REDIC1: variants seen among roughly 807,000 people sequenced by gnomAD.
REDIC1 encodes HEI10 Interacting Protein 1.
At chr12:39,701,001 A>T in the REDIC1 span, among the ~76,000 whole-genome samples, 116,785 of 148,824 alleles carry the variant, frequency 0.78, 46,425 homozygotes, top group Non-Finnish European at 0.86. Context: ...TGTAAAGACC[A>T]TCGAGACTAG....
chr12:39,713,397 C>T, the REDIC1 span, among the ~76,000 whole-genome samples: 291 of 8,848 alleles, frequency 0.033, 7 homozygotes, highest in Non-Finnish European at 0.095. Context: ...TGTGTAGACA[C>T]ATACGTATGT....
the REDIC1 span, among the ~76,000 whole-genome samples, chr12:39,792,821 A>G: frequency 2.7e-5 from 4 of 150,562 alleles, no homozygotes; most frequent in Admixed American, 6.6e-5. Context: ...AAAACCCCAC[A>G]TAAAAGTGGA....
At chr12:39,711,661 C>G in the REDIC1 span, among the ~76,000 whole-genome samples, 171 of 133,258 alleles carry the variant, frequency 1.3e-3, 7 homozygotes, top group African/African-American at 4.5e-3. Flanking sequence ...GTATGTATGT[C>G]TATACACATG....
At chr12:39,698,270 G>A in the REDIC1 span, among the ~76,000 whole-genome samples, 1 of 152,070 alleles carries the variant, frequency 6.6e-6, no homozygotes, top group Non-Finnish European at 1.5e-5. Flanking sequence ...CCTCATGAAG[G>A]GGGTCAATTC....
chr12:39,672,950 A>G, the REDIC1 span, among the ~76,000 whole-genome samples: 1 of 152,118 alleles, frequency 6.6e-6, no homozygotes, highest in African/African-American at 2.4e-5. Flanking sequence ...GTGCCACCTC[A>G]GGGACTTTGG....
the REDIC1 span, among the ~76,000 whole-genome samples, chr12:39,803,385 C>A: frequency 6.6e-6 from 1 of 152,140 alleles, no homozygotes. Context: ...CAATAAACAG[C>A]AGAGCCACAG....
At chr12:39,730,245 T>C in the REDIC1 span, among the ~76,000 whole-genome samples, 1,282 of 152,226 alleles carry the variant, frequency 8.4e-3, 17 homozygotes, top group African/African-American at 0.028. Flanking sequence ...CGCAGTTTCT[T>C]CAGCATAAAT....
chr12:39,764,471 A>C, the REDIC1 span: 1 of 1,585,620 alleles, frequency 6.3e-7, no homozygotes, highest in Admixed American at 2.0e-5. Context: ...ATAGTATGTA[A>C]GATACTCTGC....
the REDIC1 span, chr12:39,626,415 T>C: frequency 6.2e-7 from 1 of 1,609,458 alleles, no homozygotes; most frequent in Non-Finnish European, 8.5e-7. Context: ...GACTCCTCTT[T>C]CTAGTTCCTG....
At chr12:39,893,381 C>T in the REDIC1 span, among the ~76,000 whole-genome samples, 1 of 152,220 alleles carries the variant, frequency 6.6e-6, no homozygotes. Context: ...CTGGCTGCAA[C>T]CTCCGCCTCC....
At chr12:39,865,629 G>T in the REDIC1 span, among the ~76,000 whole-genome samples, 2 of 152,186 alleles carry the variant, frequency 1.3e-5, no homozygotes, top group African/African-American at 2.4e-5. Flanking sequence ...CACAGACATT[G>T]TGAGGGTAAA....
the REDIC1 span, among the ~76,000 whole-genome samples, chr12:39,688,056 TA>T: frequency 6.6e-6 from 1 of 152,240 alleles, no homozygotes; most frequent in Non-Finnish European, 1.5e-5. Context: ...TGAATTCATA[TA>T]AAGACACTTA....
At chr12:39,658,187 T>C in the REDIC1 span, among the ~76,000 whole-genome samples, 2 of 152,072 alleles carry the variant, frequency 1.3e-5, no homozygotes, top group African/African-American at 2.4e-5. Flanking sequence ...TTCAAGTGAT[T>C]CTCCTGCCTC....
At chr12:39,812,702 C>A in the REDIC1 span, among the ~76,000 whole-genome samples, 1 of 151,804 alleles carries the variant, frequency 6.6e-6, no homozygotes, top group African/African-American at 2.4e-5. Context: ...CGAATCCTGG[C>A]CTCAAGTGAT....
chr12:39,726,926 T>C, the REDIC1 span, among the ~76,000 whole-genome samples: 407 of 152,326 alleles, frequency 2.7e-3, no homozygotes, highest in Middle Eastern at 6.8e-3. Context: ...GATGATGAGC[T>C]TTTTTTCCTG....
the REDIC1 span, among the ~76,000 whole-genome samples, chr12:39,827,432 G>T: frequency 1.3e-5 from 2 of 152,088 alleles, no homozygotes; most frequent in African/African-American, 2.4e-5. Flanking sequence ...CAGAGGCAAG[G>T]CCTGGAGCTT....
the REDIC1 span, among the ~76,000 whole-genome samples, chr12:39,712,811 G>A: frequency 1.1e-4 from 6 of 53,080 alleles, no homozygotes; most frequent in Admixed American, 6.1e-4. Context: ...GTGTATACTC[G>A]TATACATGTG....
chr12:39,766,826 T>C, the REDIC1 span, among the ~76,000 whole-genome samples: 2 of 152,192 alleles, frequency 1.3e-5, no homozygotes, highest in South Asian at 2.1e-4. Context: ...AGTTTTATCA[T>C]GAGATTGCAG....
At chr12:39,664,933 T>A in the REDIC1 span, among the ~76,000 whole-genome samples, 2 of 152,246 alleles carry the variant, frequency 1.3e-5, no homozygotes, top group Non-Finnish European at 2.9e-5. Context: ...GTTTTTTTCT[T>A]GTAAATTTTT....
Sources: gnomAD v4.1 joint callset for allele counts (sites outside exome capture counted in the v4.1 genomes callset) on GRCh38, gnomAD v4.1.1 for gene constraint, MANE v1.5 for transcripts, NCBI Gene and HGNC (gene_info 2026-07-23, HGNC 2026-07-21) for gene names.